The following PPP1R3A variants were observed in gnomAD, a reference collection of about 807,000 sequenced individuals.
PPP1R3A encodes the protein RG1.
PPP1R3A carries 29 observed loss-of-function variants against 41.7 expected under a neutral mutation model. The observed-to-expected ratio is 0.70, with a 90% CI of 0.52 to 0.95. The LOEUF (loss-of-function observed/expected upper bound fraction) is 0.95, where lower values mean the gene tolerates loss of function less well. Among genes scored for constraint, PPP1R3A ranks in the 40% least tolerant of loss-of-function variants. The pLI, the probability that PPP1R3A is intolerant of heterozygous loss-of-function variation, is 0.00. For synonymous variants in PPP1R3A, 485 were observed against 453.4 expected, an observed-to-expected ratio of 1.07 and a Z score of -0.89; for missense variants, 1,352 against 1,292.4, an observed-to-expected ratio of 1.05 and a Z score of -0.71.
At chr7:113,897,019 A>G (rs1041941995) in intron 1 of PPP1R3A, among the ~76,000 whole-genome samples, 2 of 151,890 alleles carry the variant, frequency 1.3e-5, no homozygotes, top group Non-Finnish European at 2.9e-5. Context: ...ATGCCATGTT[A>G]TGGAAAATAT....
intron 1 of PPP1R3A, among the ~76,000 whole-genome samples, chr7:113,902,673 C>G (rs562553061): frequency 6.6e-6 from 1 of 151,966 alleles, no homozygotes; most frequent in African/African-American, 2.4e-5. Flanking sequence ...CTTTTCAAGT[C>G]TCTGATCAAT....
At chr7:113,886,781 G>C (rs1489857946) in intron 1 of PPP1R3A, among the ~76,000 whole-genome samples, 2 of 152,146 alleles carry the variant, frequency 1.3e-5, no homozygotes, top group African/African-American at 4.8e-5. Flanking sequence ...TAGATCTAAA[G>C]AGTTGAATTT....
At chr7:113,907,614 A>G (rs1334386544) in intron 1 of PPP1R3A, among the ~76,000 whole-genome samples, 2 of 151,986 alleles carry the variant, frequency 1.3e-5, no homozygotes, top group Admixed American at 6.6e-5. Flanking sequence ...AATGGTGTAA[A>G]TGTAATAAAT....
At chr7:113,906,097 G>T (rs1033037434) in intron 1 of PPP1R3A, among the ~76,000 whole-genome samples, 1 of 151,704 alleles carries the variant, frequency 6.6e-6, no homozygotes, top group Non-Finnish European at 1.5e-5. Flanking sequence ...GTATGCTGTA[G>T]CAGACTATAT....
Position 113,878,392 on chromosome 7 carries a change from A to T in PPP1R3A, c.2700T>A (p.Ser900=). The T allele has an allele frequency of 6.2e-7, 1 of 1,611,986 alleles. No homozygotes were observed. Among genetic ancestry groups the T allele is most frequent in the Non-Finnish European group, 8.5e-7 (1 of 1,179,684 alleles). The change falls in exon 4 of 4, where the codon TCT becomes TCA. Residue 900 remains serine, a synonymous_variant. Coordinates refer to ENST00000284601, the MANE Select transcript of PPP1R3A (RefSeq NM_002711.4). ...CTCTATTAGTGTCTGAGTTAAAAGC[A>T]GAATGCACAATGGCATCCGAGTCTG... ...KKTDSDAIVH[S]AFNSDTNRAP...
intron 1 of PPP1R3A, among the ~76,000 whole-genome samples, chr7:113,910,590 T>A (rs905554729): frequency 6.6e-6 from 1 of 152,032 alleles, no homozygotes; most frequent in African/African-American, 2.4e-5. Context: ...ATAATAAAAT[T>A]ATTTATAAAT....
chr7:113,918,752 C>A lies in PPP1R3A; in HGVS notation c.245G>T (p.Cys82Phe), dbSNP rs754554464. The A allele has an allele frequency of 5.6e-6, 9 of 1,613,890 alleles. No homozygotes were observed. The South Asian group carries it at 8.8e-5, about 16-fold the overall frequency. ...GGTTGAAGCACTCGGTAATTCCCAG[C>A]AATCAAATTCTTTAACAGACACAAG... is the stretch of plus-strand genomic sequence containing the variant. ...FNLVSVKEFD[C>F]WELPSASTTF... Residue 82 changes from cysteine to phenylalanine, a missense_variant, in exon 1 of 4, where the codon TGC (cysteine) becomes TTC (phenylalanine). By Grantham distance (205) the Cys-to-Phe change is radical (BLOSUM62 -2). Transcript: ENST00000284601.
At chr7:113,909,199 C>T (rs1235434038) in intron 1 of PPP1R3A, among the ~76,000 whole-genome samples, 4 of 151,850 alleles carry the variant, frequency 2.6e-5, no homozygotes, top group Non-Finnish European at 1.5e-5. Context: ...TTTATTTATA[C>T]AGTTACATTC....
intron 1 of PPP1R3A, among the ~76,000 whole-genome samples, chr7:113,901,266 T>C (rs1488103303): frequency 6.6e-6 from 1 of 151,522 alleles, no homozygotes; most frequent in Non-Finnish European, 1.5e-5. Context: ...CCAATGAAAA[T>C]AGACGGCGAA....
At chr7:113,903,949 T>C (rs955723672) in intron 1 of PPP1R3A, among the ~76,000 whole-genome samples, 5 of 151,732 alleles carry the variant, frequency 3.3e-5, no homozygotes, top group African/African-American at 1.2e-4. Flanking sequence ...ATTTTACCAT[T>C]TGCAGGTCAA....
chr7:113,902,940 T>C (rs536025807), intron 1 of PPP1R3A, among the ~76,000 whole-genome samples: 1 of 151,978 alleles, frequency 6.6e-6, no homozygotes, highest in South Asian at 2.1e-4. Flanking sequence ...TGATGGTCCT[T>C]CATCATTCAT....
At chr7:113,894,457 C>G (rs931492644) in intron 1 of PPP1R3A, among the ~76,000 whole-genome samples, 2 of 151,880 alleles carry the variant, frequency 1.3e-5, no homozygotes, top group Admixed American at 6.6e-5. Context: ...CAATAGTCAC[C>G]CTTGGAACAG....
At chr7:113,909,158 T>C (rs1010492831) in intron 1 of PPP1R3A, among the ~76,000 whole-genome samples, 1 of 151,894 alleles carries the variant, frequency 6.6e-6, no homozygotes, top group Non-Finnish European at 1.5e-5. Context: ...AAAAAAGAAA[T>C]TAATAATGGC....
intron 1 of PPP1R3A, among the ~76,000 whole-genome samples, chr7:113,912,415 AACAC>A (rs368290503): frequency 6.6e-6 from 1 of 151,984 alleles, no homozygotes. Context: ...ATAAGCATAC[AACAC>A]ACACACACAT....
At chr7:113,880,507 G>A (rs1796673559) in intron 3 of PPP1R3A, among the ~76,000 whole-genome samples, 2 of 152,032 alleles carry the variant, frequency 1.3e-5, no homozygotes, top group African/African-American at 4.8e-5. Flanking sequence ...TACACTTGCT[G>A]TAGGTGCCCC....
intron 1 of PPP1R3A, among the ~76,000 whole-genome samples, chr7:113,916,171 A>G (rs1409186612): frequency 2.0e-5 from 3 of 152,062 alleles, no homozygotes; most frequent in Non-Finnish European, 4.4e-5. Flanking sequence ...TTTAAGTTAC[A>G]GAAGTGCAGA....
Position 113,879,301 on chromosome 7 carries a change from G to A in PPP1R3A, c.1791C>T (p.Thr597=), listed in dbSNP as rs777861782. The A allele has an allele frequency of 5.6e-6, 9 of 1,613,550 alleles. No homozygotes were observed. In the East Asian group the frequency reaches 1.8e-4, roughly 32 times the overall value. The part of the protein sequence containing the change: ...TNLSWEEAVL[T]PEHHHLTSEG... ...CACTAGTCAAATGATGATGCTCTGGGGTTAACACAGCTTCTTCCCAACTTA... is the reference window on the plus strand; with the variant it reads ...CACTAGTCAAATGATGATGCTCTGGAGTTAACACAGCTTCTTCCCAACTTA... Residue 597 remains threonine (T), a synonymous_variant, in exon 4 of 4, where the codon ACC becomes ACT. Coordinates refer to ENST00000284601, the MANE Select transcript of PPP1R3A (RefSeq NM_002711.4).
chr7:113,877,113 A>T lies in PPP1R3A; in HGVS notation c.*610T>A, dbSNP rs1386874635. On this transcript the variant is annotated 3_prime_UTR_variant, in exon 4 of 4. Transcript: ENST00000284601. ...CGCCCTGACTTTGTAGCTATAAAGA[A>T]GGTATGTGTGTGTGTGTGTGCATGC... 1 of 151,816 alleles carries T rather than the reference A, an allele frequency of 6.6e-6. No homozygotes were observed. The highest frequency in any genetic ancestry group is 2.4e-5 in the African/African-American group (1 of 41,402). 9.4% of individuals were successfully genotyped at this position (151,816 alleles called of 1,614,324 possible).
intron 1 of PPP1R3A, among the ~76,000 whole-genome samples, chr7:113,912,705 T>C (rs1030889150): frequency 6.6e-6 from 1 of 152,054 alleles, no homozygotes; most frequent in Non-Finnish European, 1.5e-5. Flanking sequence ...TCTTCCTTTT[T>C]TCTTTTCTTT....
Sources: gnomAD v4.1 joint callset for allele counts (sites outside exome capture counted in the v4.1 genomes callset) on GRCh38, gnomAD v4.1.1 for gene constraint, MANE v1.5 for transcripts, NCBI Gene and HGNC (gene_info 2026-07-23, HGNC 2026-07-21) for gene names.